Variants in TTC28 observed in about 807,000 individuals in gnomAD.
TTC28 encodes the protein tetratricopeptide repeat domain 28, also known as tetratricopeptide repeat protein 28.
In TTC28, 61 loss-of-function variants were observed where a neutral mutation model predicts 198.0. The observed-to-expected ratio is 0.31, with a 90% confidence interval of 0.25 to 0.38. The LOEUF is 0.38. TTC28 is among the 10% of genes least tolerant of loss of function. The pLI is 1.00. For synonymous variants in TTC28, 1,171 were observed against 1,297.8 expected (o/e 0.90, Z 2.10); for missense variants, 2,678 against 3,164.0 (o/e 0.85, Z 3.69).
At chr22:28,159,083 C>A (rs567241246) in intron 6 of TTC28, among the ~76,000 whole-genome samples, 11 of 152,244 alleles carry the variant, frequency 7.2e-5, no homozygotes, top group African/African-American at 2.6e-4. Context: ...GTCTAATAAT[C>A]TGATTTAAAA....
chr22:28,082,373 T>C (rs1941400562), intron 12 of TTC28, among the ~76,000 whole-genome samples: 2 of 152,196 alleles, frequency 1.3e-5, no homozygotes, highest in South Asian at 2.1e-4. Flanking sequence ...ATTAGTATGA[T>C]GTTAGCTGTG....
intron 5 of TTC28, among the ~76,000 whole-genome samples, chr22:28,204,115 T>C (rs1168285158): frequency 6.6e-6 from 1 of 152,152 alleles, no homozygotes; most frequent in Non-Finnish European, 1.5e-5. Context: ...CTCTCTCTTC[T>C]GAATGCCAAA....
chr22:28,295,293 TA>T lies in TTC28; in HGVS notation c.933+904del, dbSNP rs547552553. On this transcript the variant is annotated intron_variant, in intron 5 of 22. Transcript: ENST00000397906. The stretch of plus-strand genomic sequence containing the variant: ...TAGAATTCTTAGATGTAAACATGAC[TA>T]AACATATTTCTCAACACATAGATTG... Among the ~76,000 whole-genome samples the T allele has an allele frequency of 5.3e-5, 8 of 152,334 alleles. No homozygotes were observed. In the South Asian group the frequency reaches 1.7e-3, roughly 32 times the overall value.
At chr22:28,249,151 A>T (rs1339050069) in intron 5 of TTC28, among the ~76,000 whole-genome samples, 2 of 152,160 alleles carry the variant, frequency 1.3e-5, no homozygotes, top group African/African-American at 4.8e-5. Flanking sequence ...TCGAGAGCAC[A>T]GCTTTTAGAG....
At chr22:28,336,711 C>G (rs1341414938) in intron 2 of TTC28, among the ~76,000 whole-genome samples, 1 of 151,980 alleles carries the variant, frequency 6.6e-6, no homozygotes, top group Non-Finnish European at 1.5e-5. Flanking sequence ...TTTATTGCAT[C>G]TATTTGATTC....
intron 2 of TTC28, among the ~76,000 whole-genome samples, chr22:28,447,112 TG>T (rs2047713440): frequency 6.6e-6 from 1 of 152,170 alleles, no homozygotes; most frequent in Non-Finnish European, 1.5e-5. Flanking sequence ...GTCTGGGTGA[TG>T]GGGCTAGGAA....
chr22:28,209,146 C>T lies in TTC28; in HGVS notation c.934-45547G>A, dbSNP rs978159804. On this transcript the variant is annotated intron_variant, in intron 5 of 22. Transcript: ENST00000397906. ...AGACATTAGAAAACTGGTTGTACTTCTCTGCACTTCAGTCTCCTTAGCTAT... is the reference window on the plus strand; with the variant it reads ...AGACATTAGAAAACTGGTTGTACTTTTCTGCACTTCAGTCTCCTTAGCTAT... Among the ~76,000 whole-genome samples the T allele has an allele frequency of 6.6e-4, 101 of 152,328 alleles. 1 individual carries two copies. Among genetic ancestry groups the T allele is most frequent in the African/African-American group, 2.3e-3 (95 of 41,578 alleles).
At chr22:28,555,223 G>A (rs1414488612) in intron 2 of TTC28, among the ~76,000 whole-genome samples, 2 of 152,154 alleles carry the variant, frequency 1.3e-5, no homozygotes, top group African/African-American at 4.8e-5. Flanking sequence ...AGTGAAAAGG[G>A]ACCACTTTTA....
intron 2 of TTC28, among the ~76,000 whole-genome samples, chr22:28,416,102 T>C (rs943766355): frequency 1.3e-5 from 2 of 152,224 alleles, no homozygotes; most frequent in South Asian, 2.1e-4. Flanking sequence ...CTATCTATTC[T>C]ATAAAAATTG....
At chr22:28,392,964 C>A (rs1018501796) in intron 2 of TTC28, among the ~76,000 whole-genome samples, 20 of 150,252 alleles carry the variant, frequency 1.3e-4, no homozygotes, top group Admixed American at 1.2e-3. Flanking sequence ...GCAACCTCGA[C>A]CTCCTGGGCT....
rs559741314 is a variant in TTC28 at position 28,545,720 on chromosome 22, A to C, written c.381+83832T>G. On this transcript the variant is annotated intron_variant, in intron 2 of 22. Transcript: ENST00000397906. The stretch of plus-strand genomic sequence containing the variant: ...GATATTTAAATTTAAAAATATATAT[A>C]TCATTCACAATGTTATCCAAAAACA... Among the ~76,000 whole-genome samples the C allele has an allele frequency of 3.6e-4, 55 of 152,278 alleles. No individual in the cohort carries two copies. In the South Asian group the frequency reaches 5.6e-3, roughly 16 times the overall value.
intron 2 of TTC28, among the ~76,000 whole-genome samples, chr22:28,392,597 C>G (rs1479973837): frequency 6.6e-6 from 1 of 152,134 alleles, no homozygotes; most frequent in Non-Finnish European, 1.5e-5. Context: ...TGGGAGTGAC[C>G]CGATTTTCCA....
At chr22:28,364,629 T>C (rs1279156518) in intron 2 of TTC28, among the ~76,000 whole-genome samples, 4 of 152,156 alleles carry the variant, frequency 2.6e-5, no homozygotes. Context: ...AATGGAAGTT[T>C]GGAAGAAGTC....
chr22:28,231,636 G>A (rs1049143885), intron 5 of TTC28, among the ~76,000 whole-genome samples: 3 of 152,180 alleles, frequency 2.0e-5, no homozygotes, highest in African/African-American at 7.2e-5. Context: ...CACATGGCTG[G>A]TGAAGAGAAG....
intron 2 of TTC28, among the ~76,000 whole-genome samples, chr22:28,386,109 T>A (rs1254405150): frequency 6.6e-6 from 1 of 150,534 alleles, no homozygotes; most frequent in African/African-American, 2.4e-5. Flanking sequence ...ACCCCGTCTC[T>A]ACTAAAACTA....
intron 2 of TTC28, among the ~76,000 whole-genome samples, chr22:28,445,217 G>A (rs1394936729): frequency 6.6e-6 from 1 of 152,070 alleles, no homozygotes; most frequent in East Asian, 1.9e-4. Flanking sequence ...CATACATTAA[G>A]TATCAACTAG....
chr22:28,504,812 G>A (rs1361804505), intron 2 of TTC28, among the ~76,000 whole-genome samples: 1 of 152,102 alleles, frequency 6.6e-6, no homozygotes, highest in Non-Finnish European at 1.5e-5. Flanking sequence ...TCCAGTGGGA[G>A]TGGGTACAGA....
At chr22:28,089,880 C>T (rs990173418) in intron 12 of TTC28, among the ~76,000 whole-genome samples, 8 of 151,450 alleles carry the variant, frequency 5.3e-5, no homozygotes, top group East Asian at 1.9e-4. Context: ...AACCACATAC[C>T]GCATGTTCTC....
chr22:28,509,539 A>G (rs1242791483), intron 2 of TTC28, among the ~76,000 whole-genome samples: 7 of 152,246 alleles, frequency 4.6e-5, no homozygotes, highest in African/African-American at 1.4e-4. Context: ...AGCGGTGTTA[A>G]GAGGGAAATG....
Sources: allele counts gnomAD v4.1 joint callset (sites outside exome capture counted in the v4.1 genomes callset), GRCh38; gene constraint gnomAD v4.1.1; transcripts MANE v1.5; gene names NCBI Gene and HGNC (gene_info 2026-07-23, HGNC 2026-07-21).